The following KRT36 variants were observed in gnomAD, a reference collection of about 807,000 sequenced individuals.
KRT36 encodes keratin 36.
In KRT36, 41 loss-of-function variants were observed where a neutral mutation model predicts 43.0. That is an observed-to-expected ratio of 0.95 (90% confidence interval 0.74 to 1.24). The LOEUF (loss-of-function observed/expected upper bound fraction) is 1.24, where lower values mean the gene tolerates loss of function less well. Ranked by LOEUF, KRT36 falls within the 50% of genes most tolerant of loss-of-function variation. KRT36 has a pLI of 0.00. For synonymous variants in KRT36, 277 were observed against 252.9 expected, an observed-to-expected ratio of 1.10 and a Z score of -0.90; for missense variants, 627 against 595.3, an observed-to-expected ratio of 1.05 and a Z score of -0.55.
chr17:41,489,302 G>T, intron 1 of KRT36, 104 bp downstream of exon 1: 1 of 1,285,324 alleles, frequency 7.8e-7, no homozygotes, highest in Non-Finnish European at 1.1e-6. Context: ...CCTACCAGGA[G>T]AATTCCCTAA....
intron 2 of KRT36, 106 bp from the exon 3 acceptor site, chr17:41,488,505 A>C: frequency 2.6e-6 from 4 of 1,518,754 alleles, no homozygotes; most frequent in Non-Finnish European, 3.6e-6. Context: ...CAGGAGCATG[A>C]CACTCCTTTC....
rs746293959 is a variant in KRT36 at position 41,488,358 on chromosome 17, T to G, written c.584A>C (p.Asp195Ala). ...ELSLRQLVEA[D>A]INGLRRILDE... is the part of the protein sequence containing the mutation. ...CAGGATCCTACGCAGGCCGTTGATG[T>G]CGGCCTCCACTAGCTGCCGCAGAGA... is the stretch of plus-strand genomic sequence containing the variant. Residue 195 changes from aspartate (D) to alanine (A), a missense_variant, in exon 3 of 7, where the codon GAC (aspartate) becomes GCC (alanine). Physicochemically the swap from Asp to Ala is moderately radical, Grantham distance 126. Transcript: ENST00000328119. 4.3e-6 allele frequency: 7 copies of G among 1,614,140 alleles called. No individual in the cohort carries two copies. In the South Asian group the frequency reaches 7.7e-5, roughly 18 times the overall value.
At position 41,486,519 on chromosome 17, in the gene KRT36, A is replaced by G; in HGVS notation, c.1261T>C (p.Ser421Pro). The change falls in exon 7 of 7, where the codon TCT becomes CCT. Residue 421 changes from serine to proline, a missense_variant. Ser to Pro is a moderately conservative substitution (Grantham distance 74). Coordinates refer to ENST00000328119, the MANE Select transcript of KRT36 (RefSeq NM_003771.5). ...GGGACACAGGGCACCGGGGGGACAG[A>G]AGGAACTCTAATAACAGGCTTGCAT... is the stretch of plus-strand genomic sequence containing the variant. ...TACKPVIRVP[S>P]VPPVPCVPSV... The G allele has an allele frequency of 6.2e-7, 1 of 1,606,944 alleles. No individual in the cohort carries two copies. The highest frequency in any genetic ancestry group is 8.5e-7 in the Non-Finnish European group (1 of 1,177,094).
chr17:41,489,558 G>A lies in KRT36; in HGVS notation c.307C>T (p.Arg103Cys), dbSNP rs1478372463. The change falls in exon 1 of 7, where the codon CGC becomes TGC. Residue 103 changes from arginine to cysteine, a missense_variant. Coordinates refer to ENST00000328119, the MANE Select transcript of KRT36 (RefSeq NM_003771.5). ...EKETMQFLNDRLANYLEKVRQ... is the reference protein window; with the variant it reads ...EKETMQFLNDCLANYLEKVRQ... Reference sequence around the variant, plus strand: ...ACCTTCTCCAGGTAGTTGGCCAGGCGGTCGTTCAGGAACTGCATAGTCTCC... The same window carrying A: ...ACCTTCTCCAGGTAGTTGGCCAGGCAGTCGTTCAGGAACTGCATAGTCTCC... The A allele has an allele frequency of 2.5e-5, 41 of 1,614,022 alleles. No individual in the cohort carries two copies. The highest frequency in any genetic ancestry group is 3.1e-5 in the Non-Finnish European group (36 of 1,180,044).
Position 41,489,772 on chromosome 17 carries a change from G to T in KRT36, c.93C>A (p.Ile31=). The T allele has an allele frequency of 1.2e-6, 2 of 1,613,942 alleles. No individual in the cohort carries two copies. The highest frequency in any genetic ancestry group is 1.6e-4 in the Middle Eastern group (1 of 6,062). ...GGACCCTGCAGGAGCCCACAGAACG[G>T]ATGGAGGACACCCGAGAGATGCCGC... The part of the protein sequence containing the change: ...TAGGISRVSS[I]RSVGSCRVPS... The change falls in exon 1 of 7, where the codon ATC becomes ATA. Residue 31 remains isoleucine, a synonymous_variant. Transcript: ENST00000328119.
Position 41,487,393 on chromosome 17 carries a change from C to T in KRT36, c.945G>A (p.Thr315=), listed in dbSNP as rs1049886371. The part of the protein sequence containing the change: ...CQTEIIELRR[T]VNALEIELQA... ...GCAGCTCAATCTCTAGCGCGTTGAC[C>T]GTACGTCTCAGCTCGATGATCTCCG... The change falls in exon 5 of 7, where the codon ACG becomes ACA. Residue 315 remains threonine, a synonymous_variant. Coordinates refer to ENST00000328119, the MANE Select transcript of KRT36 (RefSeq NM_003771.5). 1 of 1,613,592 alleles carries T rather than the reference C, an allele frequency of 6.2e-7. No homozygotes were observed. The highest frequency in any genetic ancestry group is 1.7e-5 in the Admixed American group (1 of 59,998).
intron 3 of KRT36, 121 bp downstream of exon 3, chr17:41,488,122 T>A: frequency 1.0e-6 from 1 of 959,306 alleles, no homozygotes. Flanking sequence ...AAGGATGAAA[T>A]GAAACGAGAA....
chr17:41,487,843 C>A (rs1567709384), intron 3 of KRT36, 106 bp from the exon 4 acceptor site: 1 of 1,100,504 alleles, frequency 9.1e-7, no homozygotes, highest in Non-Finnish European at 1.3e-6. Context: ...AGCTGCATAG[C>A]ATTAGACAGG....
At position 41,488,344 on chromosome 17, in the gene KRT36, G is replaced by T; in HGVS notation, c.598C>A (p.Arg200Ser). ...AGGGTCAGCTCATCCAGGATCCTACGCAGGCCGTTGATGTCGGCCTCCACT... is the reference window on the plus strand; with the variant it reads ...AGGGTCAGCTCATCCAGGATCCTACTCAGGCCGTTGATGTCGGCCTCCACT... ...QLVEADINGL[R>S]RILDELTLCK... is the part of the protein sequence containing the mutation. Residue 200 changes from arginine to serine, a missense_variant, in exon 3 of 7, where the codon CGT becomes AGT. By Grantham distance (110) the Arg-to-Ser change is moderately radical. Transcript: ENST00000328119. The T allele has an allele frequency of 2.5e-6, 4 of 1,614,130 alleles. No individual in the cohort carries two copies. Among genetic ancestry groups the T allele is most frequent in the Non-Finnish European group, 3.4e-6 (4 of 1,180,022 alleles).
Position 41,488,780 on chromosome 17 carries a change from G to A in KRT36, c.460-56C>T, listed in dbSNP as rs182199179. On this transcript the variant is annotated intron_variant, in intron 1 of 6. Coordinates refer to ENST00000328119, the MANE Select transcript of KRT36 (RefSeq NM_003771.5). ...AGGAGGCCCAGCAGTGTGGGGGCAG[G>A]TAGGGGGATAGCTCAGCTCACAGAG... is the stretch of plus-strand genomic sequence containing the variant. The A allele has an allele frequency of 5.4e-3, 7,795 of 1,430,508 alleles. 38 individuals carry two copies. The highest frequency in any genetic ancestry group is 7.9e-3 in the Middle Eastern group (45 of 5,696). 88.6% of individuals were successfully genotyped at this position (1,430,508 alleles called of 1,614,324 possible).
At position 41,487,701 on chromosome 17, in the gene KRT36, G is replaced by A. The variant is rs1420497818; in HGVS notation, c.736C>T (p.Leu246=). 3.1e-6 allele frequency: 5 copies of A among 1,613,948 alleles called. No individual in the cohort carries two copies. Among genetic ancestry groups the A allele is most frequent in the Non-Finnish European group, 4.2e-6 (5 of 1,179,852 alleles). ...SVLRCQLGDR[L]NVEVDAAPPV... is the part of the protein sequence containing the mutation. ...GGAGCAGCGTCCACCTCCACATTCAGTCGGTCCCCAAGTTGGCAACGGAGT... is the reference window on the plus strand; with the variant it reads ...GGAGCAGCGTCCACCTCCACATTCAATCGGTCCCCAAGTTGGCAACGGAGT... The change falls in exon 4 of 7, where the codon CTG becomes TTG. Residue 246 remains leucine, a synonymous_variant. Transcript: ENST00000328119.
intron 2 of KRT36, 98 bp from the exon 3 acceptor site, chr17:41,488,497 G>A: frequency 6.5e-7 from 1 of 1,533,150 alleles, no homozygotes; most frequent in South Asian, 1.2e-5. Context: ...GACGGGATCA[G>A]GAGCATGACA....
In KRT36 at chr17:41,486,259, C is replaced by A. The variant is rs1904376618; in HGVS notation, c.*117G>T. Reference sequence around the variant, plus strand: ...TACGGGGAGTGTTTTGGTAGAAAAACCTGCTAAGCGTAGGGGGACCCCTCT... The same window carrying A: ...TACGGGGAGTGTTTTGGTAGAAAAAACTGCTAAGCGTAGGGGGACCCCTCT... On this transcript the variant is annotated 3_prime_UTR_variant, in exon 7 of 7. Transcript: ENST00000328119. The A allele has an allele frequency of 1.3e-6, 1 of 743,474 alleles. No homozygotes were observed. The highest frequency in any genetic ancestry group is 2.2e-6 in the Non-Finnish European group (1 of 464,238). The allele number at this position is 743,474 out of a possible 1,614,324, so 46.1% of individuals were successfully genotyped here.
chr17:41,489,848 C>T lies in KRT36; in HGVS notation c.17G>A (p.Cys6Tyr), dbSNP rs1360195097. 6.2e-6 allele frequency: 10 copies of T among 1,612,262 alleles called. No individual in the cohort carries two copies. The highest frequency in any genetic ancestry group is 5.9e-6 in the Non-Finnish European group (7 of 1,179,370). Residue 6 changes from cysteine to tyrosine, a missense_variant, in exon 1 of 7, where the codon TGC becomes TAC. By Grantham distance (194) the Cys-to-Tyr change is radical (BLOSUM62 -2). Coordinates refer to ENST00000328119, the MANE Select transcript of KRT36 (RefSeq NM_003771.5). MATQT[C>Y]TPTFSTGSIK... ...AGACCCAGTGGAGAAGGTAGGGGTG[C>T]AGGTCTGGGTGGCCATGGTGCTAGC...
At chr17:41,487,269 C>A in intron 5 of KRT36, 82 bp downstream of exon 5, 1 of 1,578,712 alleles carries the variant, frequency 6.3e-7, no homozygotes, top group Non-Finnish European at 8.6e-7. Context: ...TGATCACACC[C>A]CATGAGAGCC....
In KRT36 at chr17:41,486,154, G is replaced by A; in HGVS notation, c.*222C>T. The A allele has an allele frequency of 1.8e-6, 1 of 544,948 alleles. No individual in the cohort carries two copies. The highest frequency in any genetic ancestry group is 3.3e-6 in the Non-Finnish European group (1 of 307,070). 33.8% of individuals were successfully genotyped at this position (544,948 alleles called of 1,614,324 possible). A position where few individuals can be genotyped will look rare whatever the true frequency, so the allele number is the denominator to read the frequency against. Reference sequence around the variant, plus strand: ...GCCAGGGTTGAGTTTGCTATGCCAGGAGAACACACTTTATTGGGTAAATTT... The same window carrying A: ...GCCAGGGTTGAGTTTGCTATGCCAGAAGAACACACTTTATTGGGTAAATTT... On this transcript the variant is annotated 3_prime_UTR_variant, in exon 7 of 7. Transcript: ENST00000328119.
chr17:41,487,211 T>G (rs1199084118), intron 5 of KRT36, 41 bp from the exon 6 acceptor site: 3 of 1,591,988 alleles, frequency 1.9e-6, no homozygotes, highest in Admixed American at 1.7e-5. Flanking sequence ...TGGGGAGGAA[T>G]CCCCTGACCC....
Position 41,486,413 on chromosome 17 carries a change from A to T in KRT36, c.1367T>A (p.Ile456Asn), listed in dbSNP as rs762157702. ...ITEEIRDGKV[I>N]SSREHVQSRP... ...GGACTGCACGTGCTCCCTGGAGGAG[A>T]TGACTTTCCCATCTCTGATCTCCTC... The change falls in exon 7 of 7, where the codon ATC becomes AAC. Residue 456 changes from isoleucine (I) to asparagine (N), a missense_variant. Coordinates refer to ENST00000328119, the MANE Select transcript of KRT36 (RefSeq NM_003771.5). The T allele has an allele frequency of 1.9e-6, 3 of 1,613,872 alleles. No individual in the cohort carries two copies. The highest frequency in any genetic ancestry group is 2.5e-6 in the Non-Finnish European group (3 of 1,180,008).
At position 41,489,256 on chromosome 17, in the gene KRT36, C is replaced by A. The variant is rs200191257; in HGVS notation, c.459+150G>T. ...AGAGACCAGCAGAGAAGCCTGGGTC[C>A]CCCAGGAAACCAAAGCCCTAGAGAG... On this transcript the variant is annotated intron_variant, in intron 1 of 6. Coordinates refer to ENST00000328119, the MANE Select transcript of KRT36 (RefSeq NM_003771.5). 1,645 of 795,288 alleles carry A rather than the reference C, an allele frequency of 2.1e-3. 29 individuals carry two copies. In the South Asian group the frequency reaches 0.028, roughly 14 times the overall value. 49.3% of individuals were successfully genotyped at this position (795,288 alleles called of 1,614,324 possible).
Sources: allele counts gnomAD v4.1 joint callset, GRCh38; gene constraint gnomAD v4.1.1; transcripts MANE v1.5; gene names NCBI Gene and HGNC (gene_info 2026-07-23, HGNC 2026-07-21).